MAMLD1: variants seen among roughly 807,000 people sequenced by gnomAD.
The protein encoded by MAMLD1 is mastermind-like domain-containing protein 1.
MAMLD1 carries 14 observed loss-of-function variants against 45.0 expected under a neutral mutation model. The ratio of observed to expected loss-of-function variants is 0.31; its 90% CI spans 0.21 to 0.49. The LOEUF (loss-of-function observed/expected upper bound fraction) is 0.49. MAMLD1 is among the 20% of genes least tolerant of loss of function. MAMLD1 has a pLI of 0.99. For synonymous variants in MAMLD1, 254 were observed against 247.8 expected (o/e 1.02, Z -0.24); for missense variants, 543 against 603.6 (o/e 0.90, Z 1.05).
chrX:150,492,394 G>C (rs1400709485), intron 5 of MAMLD1, among the ~76,000 whole-genome samples: 4 of 112,563 alleles, frequency 3.6e-5, no homozygotes, highest in Non-Finnish European at 5.6e-5. Context: ...GCAACGTATG[G>C]GACACTTTCT....
At chrX:150,414,152 G>A (rs1318602769) in intron 1 of MAMLD1, among the ~76,000 whole-genome samples, 1 of 110,005 alleles carries the variant, frequency 9.1e-6, no homozygotes, top group Non-Finnish European at 1.9e-5. Context: ...TGGCCCCCCT[G>A]GAAAAATTCA....
At chrX:150,431,312 T>A (rs1256997739) in intron 1 of MAMLD1, among the ~76,000 whole-genome samples, 1 of 111,459 alleles carries the variant, frequency 9.0e-6, no homozygotes. Context: ...CATGTATGAG[T>A]TCTAGCAGTT....
At chrX:150,468,976 A>AGT (rs1236391053) in intron 3 of MAMLD1, among the ~76,000 whole-genome samples, 2 of 31,416 alleles carry the variant, frequency 6.4e-5, no homozygotes, top group African/African-American at 1.9e-4. Flanking sequence ...GCAATGTGTG[A>AGT]GAGTGTGTGT....
rs1557402859 is a variant in MAMLD1, at chrX:150,412,440, T to A, written c.-63-33014T>A. Among the ~76,000 whole-genome samples, 655 of 110,923 alleles carry A rather than the reference T, an allele frequency of 5.9e-3. 6 individuals are homozygous for A. The highest frequency in any genetic ancestry group is 0.021 in the African/African-American group (628 of 30,463). ...CAGGCTCTTTCCCTTCTTGCATCCC[T>A]CAAGATGGACTCTACATCTTAGCTG... is the stretch of plus-strand genomic sequence containing the variant. On this transcript the variant is annotated intron_variant, in intron 1 of 7. Coordinates refer to ENST00000370401, the MANE Select transcript of MAMLD1 (RefSeq NM_005491.5).
intron 5 of MAMLD1, among the ~76,000 whole-genome samples, chrX:150,476,992 G>A (rs1407551465): frequency 2.7e-5 from 3 of 112,960 alleles, no homozygotes; most frequent in South Asian, 3.6e-4. Context: ...TGAACCCTCC[G>A]AAGTGCAGTA....
chrX:150,417,110 C>G (rs781969273), intron 1 of MAMLD1, among the ~76,000 whole-genome samples: 2 of 110,636 alleles, frequency 1.8e-5, no homozygotes, highest in Non-Finnish European at 3.8e-5. Context: ...GCTGCACCCA[C>G]TAACTCGTCA....
chrX:150,469,655 C>CTCTCTCTG (rs1159384506), intron 3 of MAMLD1, 90 bp from the exon 4 acceptor site: 18 of 406,416 alleles, frequency 4.4e-5, no homozygotes, highest in Non-Finnish European at 7.1e-5. Flanking sequence ...CTCTCTCTCT[C>CTCTCTCTG]TGTGTGTGTG....
At chrX:150,363,614 G>A (rs2031146395) in intron 1 of MAMLD1, 84 bp downstream of exon 1, 2 of 112,413 alleles carry the variant, frequency 1.8e-5, no homozygotes, top group South Asian at 3.6e-4. Context: ...GGTCCCCATC[G>A]CTGAGGATCG....
At chrX:150,491,474 T>A (rs2037186127) in intron 5 of MAMLD1, among the ~76,000 whole-genome samples, 1 of 112,147 alleles carries the variant, frequency 8.9e-6, no homozygotes, top group Admixed American at 9.5e-5. Context: ...CCTCCTCTCC[T>A]GTGCCAGTGT....
intron 1 of MAMLD1, 47 bp from the exon 2 acceptor site, chrX:150,445,407 G>T: frequency 5.4e-6 from 3 of 551,232 alleles, no homozygotes; most frequent in Non-Finnish European, 9.7e-6. Context: ...GGGGTCAGTG[G>T]TCTCATCTTC....
chrX:150,512,517 C>T lies in MAMLD1; in HGVS notation c.*558C>T, dbSNP rs964876789. 1.7e-6 allele frequency: 2 copies of T among 1,156,208 alleles called. No individual in the cohort carries two copies. The highest frequency in any genetic ancestry group is 2.3e-6 in the Non-Finnish European group (2 of 872,812). ...CAGCAGCACTCACCTTCTGGCCAGGCCTGCCTTCAGAGGCCATCTGATTGG... is the reference window on the plus strand; with the variant it reads ...CAGCAGCACTCACCTTCTGGCCAGGTCTGCCTTCAGAGGCCATCTGATTGG... On this transcript the variant is annotated 3_prime_UTR_variant, in exon 8 of 8. Transcript: ENST00000370401.
intron 2 of MAMLD1, 143 bp from the exon 3 acceptor site, chrX:150,462,629 T>C (rs2036082332): frequency 1.9e-6 from 1 of 524,175 alleles, no homozygotes; most frequent in Non-Finnish European, 3.5e-6. Context: ...AATCCCCTAT[T>C]TAAATGTCAT....
At chrX:150,392,362 T>C (rs782691358) in intron 1 of MAMLD1, among the ~76,000 whole-genome samples, 1 of 110,924 alleles carries the variant, frequency 9.0e-6, no homozygotes, top group Non-Finnish European at 1.9e-5. Flanking sequence ...GAAGTAAAGG[T>C]TTCCAATCCA....
At chrX:150,379,711 C>T (rs782171115) in intron 1 of MAMLD1, among the ~76,000 whole-genome samples, 1 of 112,237 alleles carries the variant, frequency 8.9e-6, no homozygotes, top group African/African-American at 3.2e-5. Flanking sequence ...ATTAGCTTTT[C>T]TGTGTTTCCT....
At chrX:150,499,142 G>A (rs2037478848) in intron 5 of MAMLD1, among the ~76,000 whole-genome samples, 1 of 112,054 alleles carries the variant, frequency 8.9e-6, no homozygotes, top group Admixed American at 9.4e-5. Flanking sequence ...CTTGGACTCT[G>A]AGCATCTTTG....
Position 150,471,052 on chromosome X carries a change from ACAG to A in MAMLD1, c.1503_1505del (p.Gln502del), listed in dbSNP as rs781802555. On this transcript the variant is annotated inframe_deletion, in exon 4 of 8. Transcript: ENST00000370401. The stretch of plus-strand genomic sequence containing the variant: ...CCACCAGTAATCTTCTAAGCCAGCA[ACAG>A]CAGCAGCAGCAGCAGCAGCAGCAAG... The A allele has an allele frequency of 1.4e-4, 168 of 1,188,298 alleles. No homozygotes were observed. In the East Asian group the frequency reaches 3.4e-3, roughly 24 times the overall value.
chrX:150,402,911 G>A (rs1350737039), intron 1 of MAMLD1, among the ~76,000 whole-genome samples: 3 of 110,435 alleles, frequency 2.7e-5, no homozygotes, highest in African/African-American at 9.9e-5. Context: ...ATCACACTCT[G>A]GGGACTGTTG....
intron 1 of MAMLD1, among the ~76,000 whole-genome samples, chrX:150,439,928 CAG>C (rs1557404449): frequency 9.2e-6 from 1 of 108,550 alleles, no homozygotes; most frequent in African/African-American, 3.4e-5. Context: ...GCCTGGGAGA[CAG>C]AGCAAGACTC....
intron 1 of MAMLD1, among the ~76,000 whole-genome samples, chrX:150,398,376 A>AGAG (rs1480148773): frequency 3.7e-5 from 4 of 109,147 alleles, no homozygotes; most frequent in East Asian, 5.7e-4. Flanking sequence ...AGGAAGAGGA[A>AGAG]GAAGAAGAGG....
Sources: allele counts gnomAD v4.1 joint callset (sites outside exome capture counted in the v4.1 genomes callset), GRCh38; gene constraint gnomAD v4.1.1; transcripts MANE v1.5; gene names NCBI Gene and HGNC (gene_info 2026-07-23, HGNC 2026-07-21).